Variants in TDRD3 observed in about 807,000 individuals in gnomAD.
TDRD3 encodes the protein tudor domain-containing protein 3.
In TDRD3, 45 loss-of-function variants were observed where a neutral mutation model predicts 86.7. The ratio of observed to expected loss-of-function variants is 0.52; its 90% confidence interval spans 0.41 to 0.67. TDRD3 has a LOEUF of 0.67. Among genes scored for constraint, TDRD3 ranks in the 30% least tolerant of loss-of-function variants. The probability of loss-of-function intolerance (pLI) is 0.00; values close to 1 mark genes in which losing one functional copy is unlikely to be tolerated. For synonymous variants in TDRD3, 298 were observed against 301.7 expected (o/e 0.99, Z 0.13); for missense variants, 814 against 889.0 (o/e 0.92, Z 1.07).
In TDRD3 at chr13:60,429,059, A is replaced by G. The variant is rs541862493; in HGVS notation, c.42-10629A>G. On this transcript the variant is annotated intron_variant, in intron 1 of 13. Coordinates refer to ENST00000377881, the MANE Select transcript of TDRD3 (RefSeq NM_001146070.2). ...ACTAAGCACTTTGTATTTAAGATGC[A>G]TTTTAAAGAAATGGAAATGAGAATT... 3.9e-5 allele frequency among the ~76,000 whole-genome samples: 6 copies of G among 152,336 alleles called. No homozygotes were observed. The South Asian group carries it at 1.2e-3, about 32-fold the overall frequency.
chr13:60,431,547 T>A (rs762023046), intron 1 of TDRD3, among the ~76,000 whole-genome samples: 1 of 151,880 alleles, frequency 6.6e-6, no homozygotes, highest in Non-Finnish European at 1.5e-5. Context: ...AGTGTGGATG[T>A]TAACCATGAT....
At chr13:60,457,714 C>A (rs1955712742) in intron 3 of TDRD3, among the ~76,000 whole-genome samples, 1 of 152,182 alleles carries the variant, frequency 6.6e-6, no homozygotes, top group Admixed American at 6.5e-5. Flanking sequence ...ATTAAAGTGT[C>A]AGCAGGGTTG....
chr13:60,441,161 CTGTT>C (rs565377511), intron 2 of TDRD3, among the ~76,000 whole-genome samples: 176 of 152,172 alleles, frequency 1.2e-3, no homozygotes, highest in African/African-American at 3.0e-3. Flanking sequence ...TGACTAAAAA[CTGTT>C]TGTCTTGCAC....
At position 60,460,388 on chromosome 13, in the gene TDRD3, T is replaced by A. The variant is rs1180456626; in HGVS notation, c.201T>A (p.Gly67=). The A allele has an allele frequency of 6.2e-7, 1 of 1,601,592 alleles. No individual in the cohort carries two copies. The highest frequency in any genetic ancestry group is 2.3e-5 in the East Asian group (1 of 44,148). ...INSGKVEKLE[G]PCVLQIQKIR... The stretch of plus-strand genomic sequence containing the variant: ...CTTTTCTGTTTTGACAGCTCGAAGG[T>A]CCATGTGTTTTGCAAATTCAAAAAA... Residue 67 remains glycine (G), a synonymous_variant, in exon 4 of 14, where the codon GGT becomes GGA. Coordinates refer to ENST00000377881, the MANE Select transcript of TDRD3 (RefSeq NM_001146070.2).
intron 4 of TDRD3, among the ~76,000 whole-genome samples, chr13:60,464,955 C>G (rs553467049): frequency 5.9e-5 from 9 of 152,052 alleles, no homozygotes; most frequent in South Asian, 2.1e-4. Flanking sequence ...ATAATGTTCT[C>G]GCAAAGAAAA....
Position 60,397,418 on chromosome 13 carries a change from T to G in TDRD3, c.41+13T>G, listed in dbSNP as rs1301927575. 4 of 1,483,306 alleles carry G rather than the reference T, an allele frequency of 2.7e-6. No individual in the cohort carries two copies. In the Admixed American group the frequency reaches 6.4e-5, roughly 24 times the overall value. The allele number at this position is 1,483,306 out of a possible 1,614,324, so 91.9% of individuals were successfully genotyped here. On this transcript the variant is annotated intron_variant, in intron 1 of 13. Coordinates refer to ENST00000377881, the MANE Select transcript of TDRD3 (RefSeq NM_001146070.2). ...CCCAGGCGGGTTGGTAAGTGGCGAG[T>G]CCCGCCGGCTGCCGGGCCGCGGGTG... is the stretch of plus-strand genomic sequence containing the variant.
intron 7 of TDRD3, among the ~76,000 whole-genome samples, chr13:60,493,263 A>T (rs1956637419): frequency 6.6e-6 from 1 of 152,120 alleles, no homozygotes; most frequent in Non-Finnish European, 1.5e-5. Context: ...ATTTATATGT[A>T]AGATGTTTCC....
At chr13:60,564,856 G>GT (rs1292917126) in intron 12 of TDRD3, among the ~76,000 whole-genome samples, 1 of 152,072 alleles carries the variant, frequency 6.6e-6, no homozygotes, top group East Asian at 1.9e-4. Flanking sequence ...ATCAAGCTGT[G>GT]TGTTAAATAA....
chr13:60,467,446 T>G, intron 5 of TDRD3, 67 bp downstream of exon 5: 1 of 1,544,646 alleles, frequency 6.5e-7, no homozygotes, highest in East Asian at 2.3e-5. Flanking sequence ...AAAGAGCTCT[T>G]TCAATAATGA....
At chr13:60,500,631 A>C (rs1466455224) in intron 8 of TDRD3, among the ~76,000 whole-genome samples, 7 of 152,230 alleles carry the variant, frequency 4.6e-5, no homozygotes, top group Admixed American at 4.6e-4. Context: ...CTTTGCATTT[A>C]AGGAGAAATG....
intron 7 of TDRD3, among the ~76,000 whole-genome samples, chr13:60,488,656 C>G (rs1762228557): frequency 6.6e-6 from 1 of 152,092 alleles, no homozygotes; most frequent in Non-Finnish European, 1.5e-5. Context: ...TCACTGTAAC[C>G]TCTGCCTCCC....
At chr13:60,564,889 G>A (rs1371439063) in intron 12 of TDRD3, among the ~76,000 whole-genome samples, 2 of 152,048 alleles carry the variant, frequency 1.3e-5, no homozygotes, top group African/African-American at 2.4e-5. Context: ...TACCCATTCT[G>A]TGCTAAAAAT....
chr13:60,405,324 G>C (rs983889750), intron 1 of TDRD3, among the ~76,000 whole-genome samples: 3 of 152,040 alleles, frequency 2.0e-5, no homozygotes, highest in Non-Finnish European at 4.4e-5. Flanking sequence ...AGTATAGTCA[G>C]ATATAGTCTT....
chr13:60,459,700 A>G (rs1202366110), intron 3 of TDRD3, among the ~76,000 whole-genome samples: 1 of 152,200 alleles, frequency 6.6e-6, no homozygotes, highest in Non-Finnish European at 1.5e-5. Flanking sequence ...GGCTCACTGC[A>G]ACTTCCATTT....
At chr13:60,461,392 C>T (rs983974912) in intron 4 of TDRD3, among the ~76,000 whole-genome samples, 5 of 152,018 alleles carry the variant, frequency 3.3e-5, no homozygotes, top group East Asian at 1.9e-4. Context: ...ATGGAATGGA[C>T]GAAAACAATG....
At chr13:60,397,033 C>T, upstream of TDRD3, 1 of 225,460 alleles carries the variant, frequency 4.4e-6, no homozygotes, top group Non-Finnish European at 8.6e-6. Flanking sequence ...GAAAAGCGCC[C>T]CCCAAAACAA....
chr13:60,492,336 T>C (rs1956606097), intron 7 of TDRD3, among the ~76,000 whole-genome samples: 1 of 152,222 alleles, frequency 6.6e-6, no homozygotes, highest in African/African-American at 2.4e-5. Flanking sequence ...TTAACCAAAA[T>C]AGTAAATACC....
chr13:60,449,590 A>G (rs958038644), intron 3 of TDRD3, among the ~76,000 whole-genome samples: 2 of 152,038 alleles, frequency 1.3e-5, no homozygotes, highest in African/African-American at 4.8e-5. Flanking sequence ...AATACGAGCA[A>G]CTTATGTGCC....
At chr13:60,411,612 T>TG (rs1396943188) in intron 1 of TDRD3, among the ~76,000 whole-genome samples, 2 of 152,150 alleles carry the variant, frequency 1.3e-5, no homozygotes, top group Non-Finnish European at 2.9e-5. Context: ...TCTTTTTTTT[T>TG]GGTCACAAAA....
Sources: gnomAD v4.1 joint callset for allele counts (sites outside exome capture counted in the v4.1 genomes callset) on GRCh38, gnomAD v4.1.1 for gene constraint, MANE v1.5 for transcripts, NCBI Gene and HGNC (gene_info 2026-07-23, HGNC 2026-07-21) for gene names.